The following MRI1 variants were observed in gnomAD, a reference collection of about 807,000 sequenced individuals.
MRI1 encodes the protein methylthioribose-1-phosphate isomerase.
Under a neutral mutation model 27.3 loss-of-function variants are expected in MRI1, and 32 were observed. That is an observed-to-expected ratio of 1.17 (90% CI 0.88 to 1.57). The LOEUF is 1.57. MRI1 is among the 40% of genes most tolerant of loss of function. The pLI is 0.00. For missense variants in MRI1, 508 were observed against 516.1 expected, an observed-to-expected ratio of 0.98 and a Z score of 0.15; for synonymous variants, 216 against 227.4, an observed-to-expected ratio of 0.95 and a Z score of 0.45.
chr19:13,771,132 C>T (rs1027662799), intron 5 of MRI1, among the ~76,000 whole-genome samples: 1 of 150,310 alleles, frequency 6.7e-6, no homozygotes, highest in Non-Finnish European at 1.5e-5. Context: ...CTGAGGCGGG[C>T]GGATCACCTG....
chr19:13,768,769 T>C, intron 4 of MRI1, 32 bp downstream of exon 4: 1 of 1,597,158 alleles, frequency 6.3e-7, no homozygotes, highest in Non-Finnish European at 8.6e-7. Flanking sequence ...GGGGCGGGGC[T>C]CTGGAGCATG....
rs1271664752 is a variant in MRI1 at position 13,771,375 on chromosome 19, CAAAA to C, written c.950-742_950-739del. Among the ~76,000 whole-genome samples, 6 of 150,910 alleles carry C rather than the reference CAAAA, an allele frequency of 4.0e-5. No homozygotes were observed. In the East Asian group the frequency reaches 1.2e-3, roughly 30 times the overall value. ...AGAGCAAAACTCCATCTCAAAAAAACAAAAAAACAGCTAGACATGATGGTGCACA... is the reference window on the plus strand; with the variant it reads ...AGAGCAAAACTCCATCTCAAAAAAACAAACAGCTAGACATGATGGTGCACA... On this transcript the variant is annotated intron_variant, in intron 5 of 5. Transcript: ENST00000040663.
chr19:13,768,739 T>A lies in MRI1; in HGVS notation c.724+2T>A. ...CCATGGCCCATAGGGGCGTGTCAGG[T>A]AAGCAGACGGTAAGCCCTGGGGGCG... is the stretch of plus-strand genomic sequence containing the variant. On this transcript the variant is annotated splice_donor_variant, in intron 4 of 5. Transcript: ENST00000040663. LOFTEE classifies it high-confidence loss of function. 6.2e-7 allele frequency: 1 copy of A among 1,611,576 alleles called. No homozygotes were observed. Among genetic ancestry groups the A allele is most frequent in the Non-Finnish European group, 8.5e-7 (1 of 1,178,550 alleles).
intron 2 of MRI1, among the ~76,000 whole-genome samples, chr19:13,765,441 T>G (rs1383027784): frequency 1.3e-5 from 2 of 152,184 alleles, no homozygotes. Flanking sequence ...TGAGGAACTT[T>G]TTTTCCTGTC....
intron 5 of MRI1, among the ~76,000 whole-genome samples, chr19:13,770,510 C>T (rs1193527988): frequency 1.3e-5 from 2 of 151,878 alleles, no homozygotes; most frequent in African/African-American, 2.4e-5. Context: ...TTGCTTGAAC[C>T]TAGGACGCAG....
In MRI1 at chr19:13,764,594, C is replaced by G. The variant is rs757578195; in HGVS notation, c.6C>G (p.Thr2=). 11 of 1,608,966 alleles carry G rather than the reference C, an allele frequency of 6.8e-6. No individual in the cohort carries two copies. In the East Asian group the frequency reaches 1.6e-4, roughly 23 times the overall value. The stretch of plus-strand genomic sequence containing the variant: ...CTGGGCTTGGCTGCTGCACCATGAC[C>G]CTGGAGGCGATCCGCTACTCGCGGG... M[T]LEAIRYSRGS... is the part of the protein sequence containing the mutation. Residue 2 remains threonine, a synonymous_variant, in exon 1 of 6, where the codon ACC becomes ACG. Transcript: ENST00000040663.
chr19:13,772,452 A>C lies in MRI1; in HGVS notation c.*171A>C. 2 of 575,518 alleles carry C rather than the reference A, an allele frequency of 3.5e-6. No individual in the cohort carries two copies. Among genetic ancestry groups the C allele is most frequent in the Middle Eastern group, 2.7e-4 (1 of 3,758 alleles). The allele number at this position is 575,518 out of a possible 1,614,324, so 35.7% of individuals were successfully genotyped here. On this transcript the variant is annotated 3_prime_UTR_variant, in exon 6 of 6. Coordinates refer to ENST00000040663, the MANE Select transcript of MRI1 (RefSeq NM_001031727.4). ...CTAGAGCCAGGCTGCCCAGATTCAA[A>C]TCCTGACTCCGCCACTTTTCCCACT...
Position 13,765,128 on chromosome 19 carries a change from A to G in MRI1, c.371+19A>G, listed in dbSNP as rs749018988. On this transcript the variant is annotated intron_variant, in intron 2 of 5. Transcript: ENST00000040663. ...GGGAGAGGTACGGGGATCTGGTACCAGGCACGGCGCTGAGCAGGAATTATA... is the reference window on the plus strand; with the variant it reads ...GGGAGAGGTACGGGGATCTGGTACCGGGCACGGCGCTGAGCAGGAATTATA... The G allele has an allele frequency of 8.7e-6, 13 of 1,502,352 alleles. No individual in the cohort carries two copies. The highest frequency in any genetic ancestry group is 1.2e-5 in the Non-Finnish European group (13 of 1,123,718). The allele number at this position is 1,502,352 out of a possible 1,614,324, so 93.1% of individuals were successfully genotyped here.
Position 13,766,959 on chromosome 19 carries a change from GTC to G in MRI1, c.547+834_547+835del, listed in dbSNP as rs550142739. 4.9e-3 allele frequency among the ~76,000 whole-genome samples: 685 copies of G among 140,700 alleles called. 5 individuals are homozygous for G. The highest frequency in any genetic ancestry group is 0.016 in the African/African-American group (638 of 38,766). 92.3% of individuals were successfully genotyped at this position (140,700 alleles called of 152,430 possible). On this transcript the variant is annotated intron_variant, in intron 3 of 5. Coordinates refer to ENST00000040663, the MANE Select transcript of MRI1 (RefSeq NM_001031727.4). ...GATACCAAAATCCATGGATGCTCAA[GTC>G]TCTGATATAAAAATGCCATCATATT...
intron 5 of MRI1, among the ~76,000 whole-genome samples, chr19:13,771,203 C>CA (rs113973693): frequency 0.025 from 3,306 of 133,550 alleles, 92 homozygotes; most frequent in African/African-American, 0.075. Context: ...ACTAAAAATA[C>CA]AAAAAAAAAA....
Position 13,772,374 on chromosome 19 carries a change from C to A in MRI1, c.*93C>A. ...GCTGACCGTCCAGCCCCTGACCACACTTGTTCCTAGTGCAGGGAGCTCAGA... is the reference window on the plus strand; with the variant it reads ...GCTGACCGTCCAGCCCCTGACCACAATTGTTCCTAGTGCAGGGAGCTCAGA... On this transcript the variant is annotated 3_prime_UTR_variant, in exon 6 of 6. Transcript: ENST00000040663. The A allele has an allele frequency of 7.8e-7, 1 of 1,287,370 alleles. No homozygotes were observed. 79.7% of individuals were successfully genotyped at this position (1,287,370 alleles called of 1,614,324 possible). A position where few individuals can be genotyped will look rare whatever the true frequency, so the allele number is the denominator to read the frequency against.
chr19:13,766,204 C>A, intron 3 of MRI1, 75 bp downstream of exon 3: 1 of 1,369,876 alleles, frequency 7.3e-7, no homozygotes. Context: ...GAATCCCAAA[C>A]CCAAACCACT....
rs754962859 is a variant in MRI1 at position 13,764,553 on chromosome 19, C to G, written c.-36C>G. The G allele has an allele frequency of 1.3e-6, 2 of 1,598,088 alleles. No homozygotes were observed. The highest frequency in any genetic ancestry group is 1.7e-6 in the Non-Finnish European group (2 of 1,173,524). On this transcript the variant is annotated 5_prime_UTR_variant, in exon 1 of 6. Coordinates refer to ENST00000040663, the MANE Select transcript of MRI1 (RefSeq NM_001031727.4). The stretch of plus-strand genomic sequence containing the variant: ...CTCCCAAGTGCGCGCGGACCCCTAG[C>G]TCCCTCTGAGTTGCGCTGGGCTTGG...
At position 13,764,592 on chromosome 19, in the gene MRI1, A is replaced by G. The variant is rs747254378; in HGVS notation, c.4A>G (p.Thr2Ala). 45 of 1,608,162 alleles carry G rather than the reference A, an allele frequency of 2.8e-5. No individual in the cohort carries two copies. Among genetic ancestry groups the G allele is most frequent in the Non-Finnish European group, 3.8e-5 (45 of 1,178,732 alleles). The change falls in exon 1 of 6, where the codon ACC becomes GCC. Residue 2 changes from threonine to alanine, a missense_variant. Physicochemically the swap from Thr to Ala is moderately conservative, Grantham distance 58. Transcript: ENST00000040663. ...CGCTGGGCTTGGCTGCTGCACCATG[A>G]CCCTGGAGGCGATCCGCTACTCGCG... The part of the protein sequence containing the change: M[T>A]LEAIRYSRGS...
intron 5 of MRI1, among the ~76,000 whole-genome samples, chr19:13,770,402 G>A (rs940377287): frequency 6.6e-6 from 1 of 151,370 alleles, no homozygotes; most frequent in Non-Finnish European, 1.5e-5. Context: ...CTAGCCAACA[G>A]AGCGAAACCA....
At position 13,772,976 on chromosome 19, in the gene MRI1, C is replaced by A. The variant is rs1239841714; in HGVS notation, c.*695C>A. The A allele has an allele frequency of 6.6e-6, 1 of 151,220 alleles. No homozygotes were observed. The highest frequency in any genetic ancestry group is 6.6e-5 in the Admixed American group (1 of 15,176). 9.4% of individuals were successfully genotyped at this position (151,220 alleles called of 1,614,324 possible). On this transcript the variant is annotated 3_prime_UTR_variant, in exon 6 of 6. Transcript: ENST00000040663. ...AGAGGACACCAAAAAAGCTCAGCAA[C>A]CAAGATAAAAAATATTTTAAAGCAA...
At chr19:13,770,382 C>G (rs1974244554) in intron 5 of MRI1, among the ~76,000 whole-genome samples, 1 of 152,004 alleles carries the variant, frequency 6.6e-6, no homozygotes, top group South Asian at 2.1e-4. Flanking sequence ...GTCAGGCGTT[C>G]CAGACCAGCC....
At chr19:13,766,206 C>T in intron 3 of MRI1, 77 bp downstream of exon 3, 2 of 1,355,624 alleles carry the variant, frequency 1.5e-6, no homozygotes, top group Non-Finnish European at 2.0e-6. Flanking sequence ...ATCCCAAACC[C>T]AAACCACTTT....
chr19:13,767,029 ATATATATATTTTTTTTT>A (rs1433277075), intron 3 of MRI1, among the ~76,000 whole-genome samples: 1 of 42,238 alleles, frequency 2.4e-5, no homozygotes, highest in East Asian at 8.1e-4. Context: ...ATATATATAT[ATATATATATTTTTTTTT>A]TTTTTTTTTT....
Sources: gnomAD v4.1 joint callset for allele counts (sites outside exome capture counted in the v4.1 genomes callset) on GRCh38, gnomAD v4.1.1 for gene constraint, MANE v1.5 for transcripts, NCBI Gene and HGNC (gene_info 2026-07-23, HGNC 2026-07-21) for gene names.